The following JAKMIP1 variants were observed in gnomAD, a reference collection of about 807,000 sequenced individuals.
JAKMIP1 encodes janus kinase and microtubule-interacting protein 1.
Under a neutral mutation model 113.0 loss-of-function variants are expected in JAKMIP1, and 33 were observed. That is an observed-to-expected ratio of 0.29 (90% CI 0.22 to 0.39). The LOEUF (loss-of-function observed/expected upper bound fraction) is 0.39. Ranked by LOEUF, JAKMIP1 falls within the 10% of genes least tolerant of loss-of-function variation. JAKMIP1 has a pLI of 1.00. For missense variants in JAKMIP1, 813 were observed against 1,080.5 expected (o/e 0.75, Z 3.47); for synonymous variants, 480 against 459.9 (o/e 1.04, Z -0.56).
In JAKMIP1 at chr4:6,051,763, T is replaced by A. The variant is rs1715690269; in HGVS notation, c.1807-1084A>T. Among the ~76,000 whole-genome samples, 1 of 152,238 alleles carries A rather than the reference T, an allele frequency of 6.6e-6. No individual in the cohort carries two copies. The highest frequency in any genetic ancestry group is 6.5e-5 in the Admixed American group (1 of 15,286). The stretch of plus-strand genomic sequence containing the variant: ...GTTTTAAAAGGTCGGGAAAACCTAA[T>A]TACTTACAGGGCTAAAGCACAGTGG... On this transcript the variant is annotated intron_variant, in intron 13 of 20. Coordinates refer to ENST00000409021, the MANE Select transcript of JAKMIP1 (RefSeq NM_001099433.2). This position sits in a 1 kb window ranked among gnomAD's most constrained non-coding sequence, Gnocchi z 5.0.
chr4:6,139,266 C>T lies in JAKMIP1; in HGVS notation c.-147-26269G>A, dbSNP rs1433950434. On this transcript the variant is annotated intron_variant, in intron 1 of 20. Transcript: ENST00000409021. The surrounding 1 kb of genome is among the most constrained non-coding windows in gnomAD (Gnocchi z 5.2). ...AAAAAGCATTTGAGAACCATAGCAT[C>T]AGAAGAGCATTTCAAGGACATTGAA... Among the ~76,000 whole-genome samples the T allele has an allele frequency of 6.6e-6, 1 of 152,150 alleles. No individual in the cohort carries two copies. The highest frequency in any genetic ancestry group is 2.4e-5 in the African/African-American group (1 of 41,402).
intron 3 of JAKMIP1, among the ~76,000 whole-genome samples, chr4:6,095,925 A>G (rs1270894814): frequency 2.0e-5 from 3 of 152,184 alleles, no homozygotes; most frequent in African/African-American, 7.2e-5. Flanking sequence ...AGAGAGAAAA[A>G]TATCAGATGA....
At chr4:6,114,531 C>A (rs1013440851) in intron 1 of JAKMIP1, among the ~76,000 whole-genome samples, 1 of 152,098 alleles carries the variant, frequency 6.6e-6, no homozygotes, top group African/African-American at 2.4e-5. Flanking sequence ...TGAAGTCAGG[C>A]GGGACCTGCT....
chr4:6,109,678 G>A (rs1405942130), intron 2 of JAKMIP1, among the ~76,000 whole-genome samples: 1 of 152,032 alleles, frequency 6.6e-6, no homozygotes, highest in African/African-American at 2.4e-5. Context: ...ATGCATGCCA[G>A]GGGTTTGCAG....
In JAKMIP1 at chr4:6,155,315, G is replaced by T. The variant is rs184092411; in HGVS notation, c.-147-42318C>A. Among the ~76,000 whole-genome samples the T allele has an allele frequency of 2.4e-4, 37 of 152,192 alleles. No homozygotes were observed. The highest frequency in any genetic ancestry group is 2.1e-3 in the Admixed American group (32 of 15,276). ...CAACCACCACTCAACCACCACCACCGCGAATGTTTACCCAGCCCTTATCCT... is the reference window on the plus strand; with the variant it reads ...CAACCACCACTCAACCACCACCACCTCGAATGTTTACCCAGCCCTTATCCT... On this transcript the variant is annotated intron_variant, in intron 1 of 20. Transcript: ENST00000409021. This position sits in a 1 kb window ranked among gnomAD's most constrained non-coding sequence, Gnocchi z 6.1.
chr4:6,061,835 G>C lies in JAKMIP1; in HGVS notation c.1560+477C>G, dbSNP rs1395059575. Among the ~76,000 whole-genome samples, 3 of 152,156 alleles carry C rather than the reference G, an allele frequency of 2.0e-5. No individual in the cohort carries two copies. The highest frequency in any genetic ancestry group is 7.2e-5 in the African/African-American group (3 of 41,438). On this transcript the variant is annotated intron_variant, in intron 10 of 20. Transcript: ENST00000409021. The surrounding 1 kb of genome is among the most constrained non-coding windows in gnomAD (Gnocchi z 5.3). Reference sequence around the variant, plus strand: ...TGGATGGAAGTTTCCAGAAGGCAGAGCTCAGCCTAGCCTGAGGAATGGCGT... The same window carrying C: ...TGGATGGAAGTTTCCAGAAGGCAGACCTCAGCCTAGCCTGAGGAATGGCGT...
chr4:6,132,663 G>T (rs201296142), intron 1 of JAKMIP1, among the ~76,000 whole-genome samples: 2 of 129,780 alleles, frequency 1.5e-5, no homozygotes, highest in Non-Finnish European at 3.3e-5. Context: ...AAAAAAAAAA[G>T]AAAGCAGAAA....
rs377118462 is a variant in JAKMIP1, at chr4:6,105,541, C to T, written c.556G>A (p.Ala186Thr). ...DKTKAADLRA[A>T]YQAHQDEVHR... Reference sequence around the variant, plus strand: ...ACCTCGTCTTGGTGCGCCTGGTAGGCGGCACGCAGGTCGGCTGCCTTGGTC... The same window carrying T: ...ACCTCGTCTTGGTGCGCCTGGTAGGTGGCACGCAGGTCGGCTGCCTTGGTC... Residue 186 changes from alanine (A) to threonine (T), a missense_variant, in exon 3 of 21, where the codon GCC becomes ACC. Coordinates refer to ENST00000409021, the MANE Select transcript of JAKMIP1 (RefSeq NM_001099433.2). 9.3e-6 allele frequency: 15 copies of T among 1,606,594 alleles called. No homozygotes were observed. The highest frequency in any genetic ancestry group is 1.2e-5 in the Non-Finnish European group (14 of 1,177,072).
chr4:6,134,231 C>A (rs368007568), intron 1 of JAKMIP1, among the ~76,000 whole-genome samples: 32 of 152,314 alleles, frequency 2.1e-4, no homozygotes, highest in African/African-American at 6.7e-4. Flanking sequence ...CATGCCCTTT[C>A]CCCTTCCACC....
intron 1 of JAKMIP1, among the ~76,000 whole-genome samples, chr4:6,161,222 TCCCTGACCTCCACTCACCTC>T (rs1232108895): frequency 5.2e-5 from 6 of 114,334 alleles, no homozygotes; most frequent in Admixed American, 1.9e-4. Context: ...TCCACTCATC[TCCCTGACCTCCACTCACCTC>T]CCCTGACCTC....
At chr4:6,122,106 A>T (rs971807621) in intron 1 of JAKMIP1, among the ~76,000 whole-genome samples, 8 of 152,218 alleles carry the variant, frequency 5.3e-5, no homozygotes, top group African/African-American at 1.9e-4. Context: ...GCACTTTGGG[A>T]GGCCGAGGCG....
At position 6,138,898 on chromosome 4, in the gene JAKMIP1, G is replaced by A. The variant is rs555965829; in HGVS notation, c.-147-25901C>T. ...CACTTTCAACAGAGCAAGGCCAGTT[G>A]GGCGCTAAGCAACTACTGCTTACTG... is the stretch of plus-strand genomic sequence containing the variant. On this transcript the variant is annotated intron_variant, in intron 1 of 20. Coordinates refer to ENST00000409021, the MANE Select transcript of JAKMIP1 (RefSeq NM_001099433.2). This position sits in a 1 kb window ranked among gnomAD's most constrained non-coding sequence, Gnocchi z 6.0. Among the ~76,000 whole-genome samples, 2 of 152,242 alleles carry A rather than the reference G, an allele frequency of 1.3e-5. No individual in the cohort carries two copies. The highest frequency in any genetic ancestry group is 3.9e-4 in the East Asian group (2 of 5,180).
intron 19 of JAKMIP1, among the ~76,000 whole-genome samples, chr4:6,035,598 C>G (rs921353404): frequency 3.9e-5 from 6 of 152,222 alleles, no homozygotes; most frequent in African/African-American, 1.4e-4. Context: ...GATGCCTCCC[C>G]GTAACCAGCA....
intron 1 of JAKMIP1, among the ~76,000 whole-genome samples, chr4:6,164,553 T>C (rs1184241801): frequency 6.6e-6 from 1 of 152,314 alleles, no homozygotes; most frequent in Non-Finnish European, 1.5e-5. Flanking sequence ...AAATATATTT[T>C]GTGAGCCTAT....
intron 1 of JAKMIP1, among the ~76,000 whole-genome samples, chr4:6,170,545 T>TCCATCACCATCACCACCACCA (rs1560316654): frequency 1.0e-4 from 12 of 119,190 alleles, no homozygotes; most frequent in Non-Finnish European, 2.0e-4. Flanking sequence ...CACCACCACC[T>TCCATCACCATCACCACCACCA]CCATCACCAT....
chr4:6,071,275 A>C (rs1404475848), intron 8 of JAKMIP1, among the ~76,000 whole-genome samples: 1 of 150,960 alleles, frequency 6.6e-6, no homozygotes, highest in African/African-American at 2.4e-5. Context: ...TGCAGACCTG[A>C]GACAGCTGGG....
At chr4:6,152,622 G>T (rs1230470399) in intron 1 of JAKMIP1, among the ~76,000 whole-genome samples, 1 of 152,058 alleles carries the variant, frequency 6.6e-6, no homozygotes, top group African/African-American at 2.4e-5. Context: ...CACTCTTGCA[G>T]CAGATCTTTG....
At position 6,081,488 on chromosome 4, in the gene JAKMIP1, G is replaced by T; in HGVS notation, c.1101+121C>A. On this transcript the variant is annotated intron_variant, in intron 6 of 20. Coordinates refer to ENST00000409021, the MANE Select transcript of JAKMIP1 (RefSeq NM_001099433.2). This position sits in a 1 kb window ranked among gnomAD's most constrained non-coding sequence, Gnocchi z 4.6. ...ATCTGTGACTGACACTGTGCCTGGT[G>T]CTTTGTGGGGAGGTGGGCAGCAGGT... The T allele has an allele frequency of 9.5e-7, 1 of 1,056,544 alleles. No homozygotes were observed. Among genetic ancestry groups the T allele is most frequent in the Non-Finnish European group, 1.4e-6 (1 of 709,744 alleles). 65.4% of individuals were successfully genotyped at this position (1,056,544 alleles called of 1,614,324 possible).
In JAKMIP1 at chr4:6,080,059, G is replaced by C; in HGVS notation, c.1242+113C>G. The C allele has an allele frequency of 7.9e-7, 1 of 1,273,438 alleles. No homozygotes were observed. The highest frequency in any genetic ancestry group is 1.1e-6 in the Non-Finnish European group (1 of 938,194). 78.9% of individuals were successfully genotyped at this position (1,273,438 alleles called of 1,614,324 possible). A position where few individuals can be genotyped will look rare whatever the true frequency, so the allele number is the denominator to read the frequency against. ...GTGAGTCCCAAAGTCAGCACTGCCT[G>C]ACCCTGACCCAGCTCAGCAGCATCA... On this transcript the variant is annotated intron_variant, in intron 7 of 20. Coordinates refer to ENST00000409021, the MANE Select transcript of JAKMIP1 (RefSeq NM_001099433.2). The surrounding 1 kb of genome is among the most constrained non-coding windows in gnomAD (Gnocchi z 6.0).
Sources: allele counts gnomAD v4.1 joint callset (sites outside exome capture counted in the v4.1 genomes callset), GRCh38; gene constraint gnomAD v4.1.1; non-coding constraint Gnocchi (gnomAD v3.1); transcripts MANE v1.5; gene names NCBI Gene and HGNC (gene_info 2026-07-23, HGNC 2026-07-21).